Variants in WWP1 observed in about 807,000 individuals in gnomAD.
The protein encoded by WWP1 is WW domain containing E3 ubiquitin protein ligase 1, also known as NEDD4-like E3 ubiquitin-protein ligase WWP1.
In WWP1, 49 loss-of-function variants were observed where a neutral mutation model predicts 130.6. The ratio of observed to expected loss-of-function variants is 0.38; its 90% CI spans 0.30 to 0.48. The LOEUF is 0.48. Ranked by LOEUF, WWP1 falls within the 20% of genes least tolerant of loss-of-function variation. The probability of loss-of-function intolerance (pLI) is 0.99; values close to 1 mark genes in which losing one functional copy is unlikely to be tolerated. For missense variants in WWP1, 809 were observed against 1,100.6 expected (o/e 0.74, Z 3.75); for synonymous variants, 332 against 367.8 (o/e 0.90, Z 1.11).
At chr8:86,344,021 A>G (rs1822413215) in intron 1 of WWP1, among the ~76,000 whole-genome samples, 1 of 152,104 alleles carries the variant, frequency 6.6e-6, no homozygotes. Context: ...GCCTCACCAA[A>G]TCTGTGTGTA....
At chr8:86,360,528 T>C (rs1053187784) in intron 1 of WWP1, among the ~76,000 whole-genome samples, 4 of 152,190 alleles carry the variant, frequency 2.6e-5, no homozygotes, top group Non-Finnish European at 5.9e-5. Context: ...CCTGAGTGGG[T>C]ACCTGTCACA....
chr8:86,349,318 C>T (rs1822781408), intron 1 of WWP1, among the ~76,000 whole-genome samples: 1 of 152,220 alleles, frequency 6.6e-6, no homozygotes, highest in East Asian at 1.9e-4. Flanking sequence ...CGTGCCTGGT[C>T]TGCAACCAGA....
At chr8:86,461,369 A>T in intron 23 of WWP1, 49 bp downstream of exon 23, 2 of 1,497,858 alleles carry the variant, frequency 1.3e-6, no homozygotes, top group Non-Finnish European at 1.9e-6. Context: ...TTGTGATAAT[A>T]ATGGCCTTTG....
At chr8:86,458,426 C>T (rs1811573001) in intron 22 of WWP1, among the ~76,000 whole-genome samples, 2 of 152,000 alleles carry the variant, frequency 1.3e-5, no homozygotes, top group Admixed American at 1.3e-4. Flanking sequence ...TAAGAATGAT[C>T]GAGGGGATAA....
intron 16 of WWP1, among the ~76,000 whole-genome samples, chr8:86,438,334 C>T (rs1810410010): frequency 6.6e-6 from 1 of 152,138 alleles, no homozygotes. Context: ...CCTGTGCATT[C>T]ACCATGTTGA....
intron 17 of WWP1, among the ~76,000 whole-genome samples, chr8:86,439,932 G>A (rs1810503771): frequency 6.6e-6 from 1 of 152,182 alleles, no homozygotes. Flanking sequence ...AAGAGATACA[G>A]AACCAAGTAC....
At chr8:86,362,938 T>C (rs964113632) in intron 1 of WWP1, among the ~76,000 whole-genome samples, 9 of 152,238 alleles carry the variant, frequency 5.9e-5, no homozygotes, top group Non-Finnish European at 1.3e-4. Context: ...CTTTCATTAT[T>C]GAAAATTGTT....
At chr8:86,461,107 C>G in intron 22 of WWP1, 117 bp from the exon 23 acceptor site, 1 of 969,926 alleles carries the variant, frequency 1.0e-6, no homozygotes, top group South Asian at 1.6e-5. Context: ...CCACGCCCAA[C>G]CTTTAGCACA....
intron 2 of WWP1, among the ~76,000 whole-genome samples, chr8:86,373,050 T>C (rs1340426942): frequency 6.8e-6 from 1 of 146,564 alleles, no homozygotes; most frequent in Non-Finnish European, 1.5e-5. Context: ...TGTGGTATTT[T>C]TGTTTTTCAG....
intron 24 of WWP1, among the ~76,000 whole-genome samples, 164 bp downstream of exon 24, chr8:86,462,010 G>A (rs989618923): frequency 2.0e-5 from 3 of 152,132 alleles, no homozygotes; most frequent in Non-Finnish European, 4.4e-5. Context: ...GAACACTTTA[G>A]CATGTTCTCA....
intron 9 of WWP1, among the ~76,000 whole-genome samples, chr8:86,423,575 A>G (rs1274131128): frequency 6.6e-6 from 1 of 152,208 alleles, no homozygotes; most frequent in Non-Finnish European, 1.5e-5. Flanking sequence ...CCAAGGCAGA[A>G]GAGTCTTTCT....
intron 5 of WWP1, among the ~76,000 whole-genome samples, chr8:86,390,498 G>A (rs1203992663): frequency 6.6e-6 from 1 of 152,156 alleles, no homozygotes; most frequent in African/African-American, 2.4e-5. Context: ...CTGGAGACCA[G>A]CCCGTCCAAC....
rs143082655 is a variant in WWP1, at chr8:86,352,440, G to A, written c.-115+9510G>A. ...GGATTTTACCATGTTGGCCAGGCTG[G>A]TCTCGAACTCCTGGCCTCAAGTGAT... is the stretch of plus-strand genomic sequence containing the variant. On this transcript the variant is annotated intron_variant, in intron 1 of 24. Transcript: ENST00000517970. Among the ~76,000 whole-genome samples the A allele has an allele frequency of 3.9e-3, 599 of 152,084 alleles. 10 individuals carry two copies. In the East Asian group the frequency reaches 0.063, roughly 16 times the overall value.
At chr8:86,375,832 G>A (rs1268568170) in intron 3 of WWP1, among the ~76,000 whole-genome samples, 1 of 152,118 alleles carries the variant, frequency 6.6e-6, no homozygotes, top group Non-Finnish European at 1.5e-5. Context: ...ATTTTGCCAG[G>A]TATTGCCAAG....
chr8:86,466,645 A>G, intron 24 of WWP1, 149 bp from the exon 25 acceptor site: 1 of 417,724 alleles, frequency 2.4e-6, no homozygotes, highest in Non-Finnish European at 4.1e-6. Flanking sequence ...TAAGTCTTAA[A>G]TTTAGATTAC....
Position 86,385,245 on chromosome 8 carries a change from A to G in WWP1, c.334+3616A>G, listed in dbSNP as rs76422864. Among the ~76,000 whole-genome samples, 5 of 152,312 alleles carry G rather than the reference A, an allele frequency of 3.3e-5. No individual in the cohort carries two copies. The East Asian group carries it at 7.7e-4, about 24-fold the overall frequency. On this transcript the variant is annotated intron_variant, in intron 5 of 24. Coordinates refer to ENST00000517970, the MANE Select transcript of WWP1 (RefSeq NM_007013.4). ...GTCAGCACCTTGAATAGAATTGTGT[A>G]TATTTGTGTATAAGGCTCCAGTGGA...
rs752944503 is a variant in WWP1, at chr8:86,435,428, T to C, written c.1602-24T>C. 3.1e-6 allele frequency: 5 copies of C among 1,611,360 alleles called. No individual in the cohort carries two copies. The East Asian group carries it at 1.1e-4, about 36-fold the overall frequency. On this transcript the variant is annotated intron_variant, in intron 14 of 24. Coordinates refer to ENST00000517970, the MANE Select transcript of WWP1 (RefSeq NM_007013.4). Reference sequence around the variant, plus strand: ...TATTCAACTTTATTATGAGTTAATTTGGTTTATTTTTGTTTTTCTTTAGAA... The same window carrying C: ...TATTCAACTTTATTATGAGTTAATTCGGTTTATTTTTGTTTTTCTTTAGAA...
At chr8:86,425,083 C>G in intron 9 of WWP1, 140 bp from the exon 10 acceptor site, 1 of 534,150 alleles carries the variant, frequency 1.9e-6, no homozygotes, top group Non-Finnish European at 3.2e-6. Flanking sequence ...TATATAATAG[C>G]CTTTATATAT....
chr8:86,380,855 A>G lies in WWP1; in HGVS notation c.200A>G (p.Gln67Arg). The G allele has an allele frequency of 1.2e-6, 2 of 1,611,416 alleles. No individual in the cohort carries two copies. The highest frequency in any genetic ancestry group is 1.7e-6 in the Non-Finnish European group (2 of 1,178,950). ...SSSSNPKWDE[Q>R]LTVNVTPQTT... ...TCTTCTAATCCAAAATGGGATGAAC[A>G]GCTAACTGTGTAAGTACCTTGTGTA... The change falls in exon 4 of 25, where the codon CAG (glutamine) becomes CGG (arginine). Residue 67 changes from glutamine (Q) to arginine (R), a missense_variant. Around this residue, in one of 3 missense-constraint regions of WWP1, gnomAD observed 262 missense variants for 346.0 expected, o/e 0.76. Coordinates refer to ENST00000517970, the MANE Select transcript of WWP1 (RefSeq NM_007013.4).
Sources: gnomAD v4.1 joint callset for allele counts (sites outside exome capture counted in the v4.1 genomes callset) on GRCh38, gnomAD v4.1.1 for gene constraint, gnomAD v4.1.1 regional missense constraint, MANE v1.5 for transcripts, NCBI Gene and HGNC (gene_info 2026-07-23, HGNC 2026-07-21) for gene names.